The following RFT1 variants were observed in gnomAD, a reference collection of about 807,000 sequenced individuals.
The protein encoded by RFT1 is man(5)GlcNAc(2)-PP-dolichol translocation protein RFT1.
Under a neutral mutation model 62.2 loss-of-function variants are expected in RFT1, and 43 were observed. That is an observed-to-expected ratio of 0.69 (90% CI 0.54 to 0.89). RFT1 has a LOEUF of 0.89. RFT1 is among the 40% of genes least tolerant of loss of function. The pLI, the probability that RFT1 is intolerant of heterozygous loss-of-function variation, is 0.00. For missense variants in RFT1, 605 were observed against 649.9 expected (o/e 0.93, Z 0.75); for synonymous variants, 262 against 264.6 (o/e 0.99, Z 0.10).
At chr3:53,097,932 A>G (rs62255931) in intron 11 of RFT1, among the ~76,000 whole-genome samples, 41,078 of 152,230 alleles carry the variant, frequency 0.27, 6,049 homozygotes, top group Middle Eastern at 0.4. Context: ...AACCACATCT[A>G]GACTACTATT....
At chr3:53,111,674 T>C (rs992462100) in intron 7 of RFT1, among the ~76,000 whole-genome samples, 156 bp downstream of exon 7, 1 of 152,204 alleles carries the variant, frequency 6.6e-6, no homozygotes, top group Non-Finnish European at 1.5e-5. Flanking sequence ...AAACAGACGT[T>C]GGTTTCTCTC....
the RFT1 span, among the ~76,000 whole-genome samples, chr3:53,073,572 C>G: frequency 5.9e-5 from 9 of 152,232 alleles, no homozygotes; most frequent in African/African-American, 1.9e-4. Context: ...GAGGCCCCCT[C>G]TGCGCCTCTC....
intron 7 of RFT1, among the ~76,000 whole-genome samples, chr3:53,108,605 A>G (rs949589748): frequency 1.5e-4 from 22 of 150,722 alleles, no homozygotes; most frequent in African/African-American, 4.4e-4. Flanking sequence ...TGTTGGCCAG[A>G]CTGGTCTTGC....
chr3:53,113,697 ATAT>A, intron 6 of RFT1, among the ~76,000 whole-genome samples: 1 of 152,236 alleles, frequency 6.6e-6, no homozygotes, highest in Non-Finnish European at 1.5e-5. Flanking sequence ...CCTGTAAAAA[ATAT>A]TTTTTTTCAT....
At chr3:53,084,075 C>A (rs908095113), downstream of RFT1, among the ~76,000 whole-genome samples, 1 of 152,238 alleles carries the variant, frequency 6.6e-6, no homozygotes, top group Non-Finnish European at 1.5e-5. Context: ...TCTTGATTCT[C>A]TGGGTCTTTG....
intron 11 of RFT1, among the ~76,000 whole-genome samples, chr3:53,097,793 T>C (rs1701185293): frequency 6.6e-6 from 1 of 152,254 alleles, no homozygotes; most frequent in Non-Finnish European, 1.5e-5. Flanking sequence ...ATGTTAGAAG[T>C]AGCTTTCAAA....
chr3:53,087,780 G>A (rs962562175), downstream of RFT1, among the ~76,000 whole-genome samples: 5 of 152,194 alleles, frequency 3.3e-5, no homozygotes, highest in African/African-American at 9.6e-5. Context: ...TTCAGCCTCC[G>A]AAAGTGTTGA....
the RFT1 span, among the ~76,000 whole-genome samples, chr3:53,074,992 G>A: frequency 3.3e-5 from 5 of 152,226 alleles, no homozygotes; most frequent in African/African-American, 7.2e-5. Context: ...TGAGGGCCCC[G>A]AGTCAACCCT....
the RFT1 span, among the ~76,000 whole-genome samples, chr3:53,070,404 T>TTTTTG: frequency 7.3e-6 from 1 of 137,874 alleles, no homozygotes; most frequent in Non-Finnish European, 1.6e-5. Context: ...TTTTTTTTTT[T>TTTTTG]TTTTTTTTTT....
intron 7 of RFT1, among the ~76,000 whole-genome samples, chr3:53,111,033 T>C (rs1701633585): frequency 1.3e-5 from 2 of 152,170 alleles, no homozygotes; most frequent in Non-Finnish European, 2.9e-5. Flanking sequence ...CATTTTGTTG[T>C]TTAAGAAAAT....
Position 53,120,031 on chromosome 3 carries a change from AAAAT to A in RFT1, c.559-14_559-11del. The stretch of plus-strand genomic sequence containing the variant: ...CTGTGGTATAGAAAAGCTGAGAAAA[AAAAT>A]AAACTGTTTTAATAAAGGCATAATT... On this transcript the variant is annotated splice_polypyrimidine_tract_variant and intron_variant, in intron 5 of 12. Coordinates refer to ENST00000296292, the MANE Select transcript of RFT1 (RefSeq NM_052859.4). 1 of 1,587,324 alleles carries A rather than the reference AAAAT, an allele frequency of 6.3e-7. No homozygotes were observed. Among genetic ancestry groups the A allele is most frequent in the African/African-American group, 1.4e-5 (1 of 73,248 alleles).
chr3:53,067,528 G>C, the RFT1 span, among the ~76,000 whole-genome samples: 11,109 of 152,238 alleles, frequency 0.073, 470 homozygotes, highest in East Asian at 0.12. Context: ...GGGGCACAAG[G>C]GAATCTCCTA....
intron 1 of RFT1, among the ~76,000 whole-genome samples, chr3:53,129,726 T>C (rs1272824492): frequency 2.6e-5 from 4 of 152,194 alleles, no homozygotes; most frequent in Non-Finnish European, 5.9e-5. Context: ...GCAGCCAACA[T>C]GTATTAAATG....
intron 11 of RFT1, among the ~76,000 whole-genome samples, chr3:53,096,704 T>A (rs571278417): frequency 1.3e-5 from 2 of 152,130 alleles, no homozygotes; most frequent in East Asian, 3.9e-4. Context: ...AACCTGCAAT[T>A]CAAAGGATGT....
chr3:53,120,151 T>A, intron 5 of RFT1, 130 bp from the exon 6 acceptor site: 2 of 759,518 alleles, frequency 2.6e-6, no homozygotes, highest in Non-Finnish European at 4.0e-6. Flanking sequence ...TGCCTTACCC[T>A]CTGGGAAATG....
chr3:53,102,151 T>C (rs1157934326), intron 10 of RFT1, among the ~76,000 whole-genome samples: 1 of 151,892 alleles, frequency 6.6e-6, no homozygotes, highest in Non-Finnish European at 1.5e-5. Flanking sequence ...AACACAGCCA[T>C]GTGACCGCAG....
chr3:53,093,941 G>T (rs569433690), intron 11 of RFT1, among the ~76,000 whole-genome samples: 1 of 152,144 alleles, frequency 6.6e-6, no homozygotes, highest in Non-Finnish European at 1.5e-5. Context: ...TGGAGCCCAG[G>T]AGTTCAAGGC....
intron 6 of RFT1, among the ~76,000 whole-genome samples, chr3:53,114,179 T>C (rs899529903): frequency 2.6e-5 from 4 of 152,116 alleles, no homozygotes; most frequent in African/African-American, 9.7e-5. Context: ...CTTCTCTCTC[T>C]CACACTGCTC....
chr3:53,084,355 T>C (rs559993063), downstream of RFT1, among the ~76,000 whole-genome samples: 159 of 152,368 alleles, frequency 1.0e-3, no homozygotes, highest in African/African-American at 3.7e-3. Context: ...GAGGAGTAGA[T>C]GAGCCGGGAA....
Sources: gnomAD v4.1 joint callset for allele counts (sites outside exome capture counted in the v4.1 genomes callset) on GRCh38, gnomAD v4.1.1 for gene constraint, MANE v1.5 for transcripts, NCBI Gene and HGNC (gene_info 2026-07-23, HGNC 2026-07-21) for gene names.